The following UPK1B variants were observed in gnomAD, a reference collection of about 807,000 sequenced individuals.
UPK1B encodes uroplakin-1b.
UPK1B carries 28 observed loss-of-function variants against 34.2 expected under a neutral mutation model. That is an observed-to-expected ratio of 0.82 (90% confidence interval 0.61 to 1.12). The LOEUF (loss-of-function observed/expected upper bound fraction) is 1.12. Ranked by LOEUF, UPK1B falls within the 50% of genes most tolerant of loss-of-function variation. The pLI is 0.00. For synonymous variants in UPK1B, 81 were observed against 110.4 expected (o/e 0.73, Z 1.67); for missense variants, 325 against 320.9 (o/e 1.01, Z -0.10).
rs1559899990 is a variant in UPK1B at position 119,179,369 on chromosome 3, A to G, written c.-29+5731A>G. 9.6e-5 allele frequency among the ~76,000 whole-genome samples: 6 copies of G among 62,364 alleles called. No homozygotes were observed. The South Asian group carries it at 5.5e-3, about 57-fold the overall frequency. 40.9% of individuals were successfully genotyped at this position (62,364 alleles called of 152,430 possible). On this transcript the variant is annotated intron_variant, in intron 1 of 7. Coordinates refer to ENST00000264234, the MANE Select transcript of UPK1B (RefSeq NM_006952.4). Reference sequence around the variant, plus strand: ...GAGAGGGAGATATATATATATATATATATATATATATATATATATATATAT... The same window carrying G: ...GAGAGGGAGATATATATATATATATGTATATATATATATATATATATATAT...
intron 1 of UPK1B, among the ~76,000 whole-genome samples, chr3:119,182,309 T>C (rs1426503677): frequency 6.6e-6 from 1 of 152,220 alleles, no homozygotes; most frequent in Non-Finnish European, 1.5e-5. Flanking sequence ...TAAGAGCCCT[T>C]GGCTGTGAGA....
intron 1 of UPK1B, among the ~76,000 whole-genome samples, chr3:119,183,261 CTTTTTTTTTGTTT>C (rs1347633917): frequency 7.7e-6 from 1 of 129,702 alleles, no homozygotes; most frequent in Non-Finnish European, 1.8e-5. Context: ...CCAAGCTTCC[CTTTTTTTTTGTTT>C]TTTTTTTTTT....
At chr3:119,183,115 A>G (rs2077996722) in intron 1 of UPK1B, among the ~76,000 whole-genome samples, 1 of 152,164 alleles carries the variant, frequency 6.6e-6, no homozygotes, top group Non-Finnish European at 1.5e-5. Flanking sequence ...TTCTATTTCT[A>G]CTGAAAGCAT....
rs2078000036 is a variant in UPK1B, at chr3:119,183,739, A to G, written c.-28-2975A>G. On this transcript the variant is annotated intron_variant, in intron 1 of 7. Transcript: ENST00000264234. ...TTCGTGGTAATTTGTTTCAGCAGCA[A>G]TAGGAAATGCAGACCTGAAAAACCC... 2.0e-5 allele frequency among the ~76,000 whole-genome samples: 3 copies of G among 152,170 alleles called. No homozygotes were observed. In the South Asian group the frequency reaches 6.2e-4, roughly 32 times the overall value.
At chr3:119,199,226 T>A in intron 7 of UPK1B, 86 bp downstream of exon 7, 1 of 1,436,658 alleles carries the variant, frequency 7.0e-7, no homozygotes, top group Non-Finnish European at 9.6e-7. Flanking sequence ...TCAACCACAC[T>A]AGAAAGTCTA....
intron 3 of UPK1B, 124 bp from the exon 4 acceptor site, chr3:119,190,121 T>G (rs761667814): frequency 8.6e-6 from 6 of 698,476 alleles, no homozygotes; most frequent in Non-Finnish European, 1.4e-5. Flanking sequence ...TGAGGGTTTG[T>G]TGAATAACTA....
intron 1 of UPK1B, among the ~76,000 whole-genome samples, chr3:119,181,996 A>T (rs1465566645): frequency 6.6e-6 from 1 of 152,246 alleles, no homozygotes; most frequent in East Asian, 1.9e-4. Context: ...AGTGTGGGGC[A>T]GAGGCCTTAG....
chr3:119,198,984 C>T, intron 6 of UPK1B, 73 bp from the exon 7 acceptor site: 4 of 1,542,584 alleles, frequency 2.6e-6, no homozygotes, highest in Admixed American at 3.5e-5. Context: ...CCAATAGGAA[C>T]CTGCTTTCCC....
intron 7 of UPK1B, among the ~76,000 whole-genome samples, chr3:119,199,662 G>A (rs1408043741): frequency 2.0e-5 from 3 of 152,188 alleles, no homozygotes; most frequent in Non-Finnish European, 2.9e-5. Flanking sequence ...ACGCCATGGG[G>A]AAACTTTTTT....
chr3:119,186,010 G>A (rs1368414693), intron 1 of UPK1B, among the ~76,000 whole-genome samples: 2 of 152,180 alleles, frequency 1.3e-5, no homozygotes, highest in Non-Finnish European at 2.9e-5. Context: ...TGTGACCCCA[G>A]GGAACTTAAT....
Position 119,180,272 on chromosome 3 carries a change from G to C in UPK1B, c.-28-6442G>C, listed in dbSNP as rs909542274. Among the ~76,000 whole-genome samples, 30 of 152,140 alleles carry C rather than the reference G, an allele frequency of 2.0e-4. 1 individual carries two copies. The highest frequency in any genetic ancestry group is 7.2e-4 in the African/African-American group (30 of 41,416). On this transcript the variant is annotated intron_variant, in intron 1 of 7. Transcript: ENST00000264234. ...GGAGGAGGCCAGCCACGTTATGGAG[G>C]GTAATCTGCTTTACTGCTTTACTCA... is the stretch of plus-strand genomic sequence containing the variant.
chr3:119,180,958 A>C (rs1400895417), intron 1 of UPK1B, among the ~76,000 whole-genome samples: 1 of 152,130 alleles, frequency 6.6e-6, no homozygotes, highest in Non-Finnish European at 1.5e-5. Flanking sequence ...TCTTCCATTG[A>C]ATGAGGGGCA....
intron 5 of UPK1B, among the ~76,000 whole-genome samples, chr3:119,192,192 T>A (rs745473712): frequency 6.6e-6 from 1 of 152,232 alleles, no homozygotes; most frequent in Non-Finnish European, 1.5e-5. Context: ...TCAATTCTAA[T>A]AATTTTATTC....
At chr3:119,179,664 C>T (rs1197758815) in intron 1 of UPK1B, among the ~76,000 whole-genome samples, 3 of 117,164 alleles carry the variant, frequency 2.6e-5, no homozygotes, top group African/African-American at 2.8e-5. Flanking sequence ...CGCCTGCCAC[C>T]ACGCCCGGCT....
At chr3:119,187,325 G>A (rs1233768748) in intron 2 of UPK1B, among the ~76,000 whole-genome samples, 1 of 152,134 alleles carries the variant, frequency 6.6e-6, no homozygotes, top group African/African-American at 2.4e-5. Context: ...TATGACTCTG[G>A]CCATCACCTT....
chr3:119,179,693 G>A (rs2077979667), intron 1 of UPK1B, among the ~76,000 whole-genome samples: 2 of 144,712 alleles, frequency 1.4e-5, no homozygotes, highest in South Asian at 4.5e-4. Flanking sequence ...ATTTTTGGTA[G>A]AGTCGGGGTT....
intron 1 of UPK1B, among the ~76,000 whole-genome samples, chr3:119,185,405 TC>T (rs1338133109): frequency 3.3e-5 from 5 of 152,182 alleles, no homozygotes; most frequent in Non-Finnish European, 7.4e-5. Flanking sequence ...TGGTTTGCTA[TC>T]TTGTGGGCAC....
rs116352018 is a variant in UPK1B at position 119,177,031 on chromosome 3, A to G, written c.-29+3393A>G. On this transcript the variant is annotated intron_variant, in intron 1 of 7. Transcript: ENST00000264234. Reference sequence around the variant, plus strand: ...TCTTCCCTCGCCCTTTGAAAATTAAATAAGAGAAGGGAGCTGATAAATGAG... The same window carrying G: ...TCTTCCCTCGCCCTTTGAAAATTAAGTAAGAGAAGGGAGCTGATAAATGAG... 2.1e-3 allele frequency among the ~76,000 whole-genome samples: 319 copies of G among 152,312 alleles called. 3 individuals carry two copies. The highest frequency in any genetic ancestry group is 7.1e-3 in the African/African-American group (294 of 41,574).
At chr3:119,178,599 T>C (rs2077970589) in intron 1 of UPK1B, among the ~76,000 whole-genome samples, 1 of 152,228 alleles carries the variant, frequency 6.6e-6, no homozygotes, top group Admixed American at 6.5e-5. Context: ...GTAGATCATT[T>C]TGGCCTAAAT....
Sources: allele counts gnomAD v4.1 joint callset (sites outside exome capture counted in the v4.1 genomes callset), GRCh38; gene constraint gnomAD v4.1.1; transcripts MANE v1.5; gene names NCBI Gene and HGNC (gene_info 2026-07-23, HGNC 2026-07-21).